Variants in NWD1 observed in about 807,000 individuals in gnomAD.
NWD1 encodes NACHT and WD repeat domain containing 1, also known as NACHT domain- and WD repeat-containing protein 1.
A neutral mutation model predicts 135.1 loss-of-function variants in NWD1; 129 were observed. The ratio of observed to expected loss-of-function variants is 0.96; its 90% confidence interval spans 0.83 to 1.11. NWD1 has a LOEUF of 1.11. NWD1 is among the 50% of genes least tolerant of loss of function. The pLI is 0.00. For missense variants in NWD1, 1,740 were observed against 1,851.3 expected (o/e 0.94, Z 1.10); for synonymous variants, 773 against 786.0 (o/e 0.98, Z 0.28).
chr19:16,732,620 G>A (rs1409609949), intron 3 of NWD1, among the ~76,000 whole-genome samples: 1 of 58,382 alleles, frequency 1.7e-5, no homozygotes, highest in Non-Finnish European at 3.3e-5. Flanking sequence ...TTTTTCAGAT[G>A]AGGTCCAGTG....
At chr19:16,752,648 A>G (rs975347367) in intron 6 of NWD1, among the ~76,000 whole-genome samples, 4 of 152,142 alleles carry the variant, frequency 2.6e-5, no homozygotes, top group African/African-American at 9.7e-5. Context: ...AGTCTGTCTT[A>G]TAGCTGACTC....
intron 2 of NWD1, among the ~76,000 whole-genome samples, chr19:16,728,661 C>G (rs1351935610): frequency 6.6e-6 from 1 of 151,674 alleles, no homozygotes; most frequent in Non-Finnish European, 1.5e-5. Flanking sequence ...TAAGTAATTG[C>G]AGGCCGGGTG....
intron 14 of NWD1, among the ~76,000 whole-genome samples, chr19:16,792,342 G>A (rs999174739): frequency 3.9e-5 from 6 of 151,944 alleles, no homozygotes; most frequent in African/African-American, 1.4e-4. Flanking sequence ...AGGAGTTCGA[G>A]ACCAGCCTGG....
rs575294671 is a variant in NWD1, at chr19:16,730,196, C to T, written c.-6-996C>T. Among the ~76,000 whole-genome samples, 11 of 152,140 alleles carry T rather than the reference C, an allele frequency of 7.2e-5. 2 individuals are homozygous for T. Among genetic ancestry groups the T allele is most frequent in the African/African-American group, 2.4e-4 (10 of 41,510 alleles). The stretch of plus-strand genomic sequence containing the variant: ...AATTAGCCAGGTGTGGTGGTGCACG[C>T]CTGTAATCCCAGCTACTTGGGAGGC... On this transcript the variant is annotated intron_variant, in intron 2 of 18. Transcript: ENST00000524140.
intron 15 of NWD1, among the ~76,000 whole-genome samples, chr19:16,797,009 T>C (rs1404679881): frequency 6.6e-6 from 1 of 151,912 alleles, no homozygotes; most frequent in Non-Finnish European, 1.5e-5. Flanking sequence ...TGAAACCTGG[T>C]ATCTACTAAA....
chr19:16,731,806 A>G (rs1182716791), intron 3 of NWD1, among the ~76,000 whole-genome samples: 1 of 151,926 alleles, frequency 6.6e-6, no homozygotes, highest in Non-Finnish European at 1.5e-5. Flanking sequence ...TTGAGTTTTA[A>G]AATTCACAGT....
chr19:16,767,691 T>C (rs1969275330), intron 10 of NWD1, among the ~76,000 whole-genome samples: 1 of 151,938 alleles, frequency 6.6e-6, no homozygotes, highest in African/African-American at 2.4e-5. Context: ...ACCCCCATGA[T>C]CCAATCACCT....
intron 10 of NWD1, among the ~76,000 whole-genome samples, chr19:16,767,579 A>G (rs897918271): frequency 9.3e-5 from 14 of 151,022 alleles, no homozygotes. Context: ...CCCACCATGC[A>G]CTCCAGCCTG....
intron 10 of NWD1, among the ~76,000 whole-genome samples, chr19:16,772,462 A>C (rs1377545814): frequency 1.3e-5 from 2 of 152,138 alleles, no homozygotes; most frequent in East Asian, 3.9e-4. Flanking sequence ...CCCAGCCAAC[A>C]TGGTGAAACC....
intron 10 of NWD1, among the ~76,000 whole-genome samples, chr19:16,772,850 G>A (rs750749214): frequency 3.3e-5 from 5 of 151,820 alleles, no homozygotes; most frequent in Non-Finnish European, 7.4e-5. Context: ...AGAAAGGAAG[G>A]GAGAGAGGGA....
At chr19:16,750,997 G>A (rs184882681) in intron 6 of NWD1, among the ~76,000 whole-genome samples, 41 of 152,030 alleles carry the variant, frequency 2.7e-4, no homozygotes, top group Admixed American at 6.6e-4. Context: ...CGAGGCGGGC[G>A]GATCACCCAA....
intron 10 of NWD1, among the ~76,000 whole-genome samples, chr19:16,766,589 C>T (rs1969232497): frequency 9.7e-6 from 1 of 103,366 alleles, no homozygotes; most frequent in East Asian, 2.1e-4. Context: ...CATGTCTTAA[C>T]CATTTTTTTT....
At chr19:16,758,597 C>T (rs781474473) in intron 6 of NWD1, among the ~76,000 whole-genome samples, 2 of 152,098 alleles carry the variant, frequency 1.3e-5, no homozygotes, top group African/African-American at 2.4e-5. Flanking sequence ...AATTTAAAGA[C>T]AAGCCTTGGT....
intron 4 of NWD1, among the ~76,000 whole-genome samples, chr19:16,743,966 A>G (rs572558157): frequency 6.6e-6 from 1 of 152,222 alleles, no homozygotes; most frequent in South Asian, 2.1e-4. Context: ...TACAGGTGTG[A>G]GCCACCGCGC....
In NWD1 at chr19:16,749,110, C is replaced by T. The variant is rs77824997; in HGVS notation, c.497-29C>T. 9,490 of 1,554,246 alleles carry T rather than the reference C, an allele frequency of 6.1e-3. 361 individuals are homozygous for T. The African/African-American group carries it at 0.094, about 15-fold the overall frequency. On this transcript the variant is annotated intron_variant, in intron 5 of 18. Transcript: ENST00000524140. ...AGCTGCTGACCCAATAATGACCACACTTCCTTCCCACCTTCCCCACTTTGG... is the reference window on the plus strand; with the variant it reads ...AGCTGCTGACCCAATAATGACCACATTTCCTTCCCACCTTCCCCACTTTGG...
At chr19:16,772,109 T>G (rs1969434924) in intron 10 of NWD1, among the ~76,000 whole-genome samples, 1 of 152,154 alleles carries the variant, frequency 6.6e-6, no homozygotes, top group Non-Finnish European at 1.5e-5. Flanking sequence ...CTCACGCCTA[T>G]AATTCCAGAG....
At chr19:16,734,203 A>G (rs1967695392) in intron 3 of NWD1, among the ~76,000 whole-genome samples, 1 of 152,162 alleles carries the variant, frequency 6.6e-6, no homozygotes, top group Non-Finnish European at 1.5e-5. Context: ...AAGTGTGGAC[A>G]CGTCCTTGCT....
chr19:16,783,978 G>A (rs1969952750), intron 12 of NWD1, among the ~76,000 whole-genome samples: 2 of 152,064 alleles, frequency 1.3e-5, no homozygotes, highest in Admixed American at 6.6e-5. Context: ...TCGGGAGGCC[G>A]CGGATCACCT....
intron 4 of NWD1, among the ~76,000 whole-genome samples, chr19:16,740,011 A>T (rs1968013787): frequency 6.6e-6 from 1 of 152,024 alleles, no homozygotes; most frequent in African/African-American, 2.4e-5. Context: ...TTATAAAGAG[A>T]TGAGGCTGGC....
Sources: allele counts gnomAD v4.1 joint callset (sites outside exome capture counted in the v4.1 genomes callset), GRCh38; gene constraint gnomAD v4.1.1; transcripts MANE v1.5; gene names NCBI Gene and HGNC (gene_info 2026-07-23, HGNC 2026-07-21).